Variants in TRIM2 observed in about 807,000 individuals in gnomAD.
TRIM2 encodes tripartite motif-containing protein 2.
In TRIM2, 20 loss-of-function variants were observed where a neutral mutation model predicts 75.2. That is an observed-to-expected ratio of 0.27 (90% CI 0.19 to 0.39). The LOEUF (loss-of-function observed/expected upper bound fraction) is 0.39. TRIM2 is among the 10% of genes least tolerant of loss of function. The probability of loss-of-function intolerance (pLI) is 1.00; values close to 1 mark genes in which losing one functional copy is unlikely to be tolerated. For missense variants in TRIM2, 660 were observed against 990.8 expected (o/e 0.67, Z 4.48); for synonymous variants, 373 against 388.3 (o/e 0.96, Z 0.46).
At chr4:153,285,616 C>T (rs1308315684) in intron 3 of TRIM2, among the ~76,000 whole-genome samples, 1 of 152,116 alleles carries the variant, frequency 6.6e-6, no homozygotes, top group Non-Finnish European at 1.5e-5. Flanking sequence ...AGCCACCATG[C>T]CTAGCTGGGA....
chr4:153,318,345 C>T (rs1198794546), intron 8 of TRIM2, among the ~76,000 whole-genome samples: 1 of 152,180 alleles, frequency 6.6e-6, no homozygotes, highest in Admixed American at 6.5e-5. Context: ...AGATTTGAGC[C>T]TCTGTTTTGT....
chr4:153,228,883 TC>T (rs1389569272), intron 1 of TRIM2, among the ~76,000 whole-genome samples: 1 of 152,028 alleles, frequency 6.6e-6, no homozygotes, highest in East Asian at 1.9e-4. Context: ...TTCATCCTTT[TC>T]CCCCCACAAA....
intron 1 of TRIM2, among the ~76,000 whole-genome samples, chr4:153,252,614 A>C (rs962209863): frequency 1.6e-4 from 25 of 152,054 alleles, no homozygotes; most frequent in Admixed American, 1.6e-3. Flanking sequence ...CAGGTTCAAG[A>C]TTCTCCTGCC....
At chr4:153,270,079 C>A (rs1171439531) in intron 1 of TRIM2, among the ~76,000 whole-genome samples, 2 of 152,078 alleles carry the variant, frequency 1.3e-5, no homozygotes, top group African/African-American at 2.4e-5. Flanking sequence ...CAGGCGTGTG[C>A]CACCACACCC....
At chr4:153,309,317 G>A (rs1399092281) in intron 6 of TRIM2, among the ~76,000 whole-genome samples, 2 of 152,074 alleles carry the variant, frequency 1.3e-5, no homozygotes, top group Admixed American at 6.5e-5. Flanking sequence ...TGATGATCTC[G>A]GTAATGTGTC....
At chr4:153,152,187 G>A (rs149910544), upstream of TRIM2, among the ~76,000 whole-genome samples, 1,159 of 152,134 alleles carry the variant, frequency 7.6e-3, 12 homozygotes, top group Middle Eastern at 0.014. Context: ...TTCTTAGAAG[G>A]CCTAGTGCTA....
At chr4:153,239,091 G>A (rs1193051245) in intron 1 of TRIM2, among the ~76,000 whole-genome samples, 3 of 152,164 alleles carry the variant, frequency 2.0e-5, no homozygotes, top group Non-Finnish European at 2.9e-5. Flanking sequence ...GGTGGCTCAC[G>A]CCTGTAATCC....
At chr4:153,206,980 A>C (rs1433498731) in intron 1 of TRIM2, among the ~76,000 whole-genome samples, 1 of 152,102 alleles carries the variant, frequency 6.6e-6, no homozygotes, top group African/African-American at 2.4e-5. Context: ...CCTTGGGCTC[A>C]AGCGATCCTC....
intron 1 of TRIM2, among the ~76,000 whole-genome samples, chr4:153,260,527 G>A (rs1753142194): frequency 6.6e-6 from 1 of 151,860 alleles, no homozygotes; most frequent in Non-Finnish European, 1.5e-5. Context: ...CTTCCATTTG[G>A]TAAAAACCAG....
At position 153,220,755 on chromosome 4, in the gene TRIM2, G is replaced by A. The variant is rs1739729427; in HGVS notation, c.30+16195G>A. 2.6e-5 allele frequency among the ~76,000 whole-genome samples: 4 copies of A among 151,868 alleles called. No homozygotes were observed. In the South Asian group the frequency reaches 8.4e-4, roughly 32 times the overall value. ...ACATTTCAGTAGGCATTTCTACAAG[G>A]AAGATACCCAAATGGTCAACAAGCA... On this transcript the variant is annotated intron_variant, in intron 1 of 11. Coordinates refer to ENST00000338700, the MANE Select transcript of TRIM2 (RefSeq NM_015271.5).
At chr4:153,333,668 C>T (rs1429753700) in intron 11 of TRIM2, among the ~76,000 whole-genome samples, 1 of 152,026 alleles carries the variant, frequency 6.6e-6, no homozygotes. Context: ...CCCCCGTACC[C>T]CCAAATCTCA....
chr4:153,269,781 G>A (rs1201671665), intron 1 of TRIM2, among the ~76,000 whole-genome samples: 2 of 152,126 alleles, frequency 1.3e-5, no homozygotes, highest in African/African-American at 4.8e-5. Context: ...AATTTGTTTT[G>A]TTTGCCTGGC....
intron 8 of TRIM2, 103 bp from the exon 9 acceptor site, chr4:153,322,545 C>T (rs1449654351): frequency 7.6e-7 from 1 of 1,319,650 alleles, no homozygotes; most frequent in Non-Finnish European, 1.0e-6. Context: ...CCGTTTGAAC[C>T]TTCAGGTAAA....
chr4:153,262,736 C>T lies in TRIM2; in HGVS notation c.31-7599C>T, dbSNP rs551291546. 3.0e-4 allele frequency among the ~76,000 whole-genome samples: 46 copies of T among 152,254 alleles called. 1 individual carries two copies. Among genetic ancestry groups the T allele is most frequent in the Admixed American group, 5.2e-4 (8 of 15,288 alleles). Reference sequence around the variant, plus strand: ...AGGAGAGGCTTGTTTCAGGAAAGGGCTGTTATCATTCCTGTTTTAAAGTTA... The same window carrying T: ...AGGAGAGGCTTGTTTCAGGAAAGGGTTGTTATCATTCCTGTTTTAAAGTTA... On this transcript the variant is annotated intron_variant, in intron 1 of 11. Transcript: ENST00000338700.
In TRIM2 at chr4:153,280,603, A is replaced by G. The variant is rs559915884; in HGVS notation, c.453+4473A>G. Among the ~76,000 whole-genome samples the G allele has an allele frequency of 8.5e-5, 13 of 152,216 alleles. No homozygotes were observed. In the East Asian group the frequency reaches 2.5e-3, roughly 29 times the overall value. On this transcript the variant is annotated intron_variant, in intron 3 of 11. Coordinates refer to ENST00000338700, the MANE Select transcript of TRIM2 (RefSeq NM_015271.5). The stretch of plus-strand genomic sequence containing the variant: ...TCTTATGTTGCCCAGGCTGGTTGCA[A>G]ACTGGCCTCAAGGGATCCTCCCATC...
At chr4:153,163,721 C>T (rs1352206016) in intron 1 of TRIM2, among the ~76,000 whole-genome samples, 2 of 151,406 alleles carry the variant, frequency 1.3e-5, no homozygotes, top group South Asian at 2.1e-4. Flanking sequence ...AGGCTGGTCT[C>T]GAACTCCTGA....
intron 1 of TRIM2, among the ~76,000 whole-genome samples, chr4:153,214,983 A>G (rs1738088435): frequency 6.6e-6 from 1 of 152,254 alleles, no homozygotes; most frequent in Non-Finnish European, 1.5e-5. Context: ...TCATTGCAAC[A>G]GAAGTAACAA....
intron 1 of TRIM2, among the ~76,000 whole-genome samples, chr4:153,260,725 CATCATCATCATCATCATCATG>C (rs1243171097): frequency 5.7e-5 from 7 of 123,236 alleles, no homozygotes; most frequent in Admixed American, 5.2e-4. Context: ...CACACACACA[CATCATCATCATCATCATCATG>C]ATCATCATCA....
At chr4:153,291,839 A>G (rs967428711) in intron 3 of TRIM2, among the ~76,000 whole-genome samples, 1 of 152,194 alleles carries the variant, frequency 6.6e-6, no homozygotes, top group Non-Finnish European at 1.5e-5. Flanking sequence ...TTCTTCGTGC[A>G]TACTAACCTA....
Sources: gnomAD v4.1 joint callset for allele counts (sites outside exome capture counted in the v4.1 genomes callset) on GRCh38, gnomAD v4.1.1 for gene constraint, MANE v1.5 for transcripts, NCBI Gene and HGNC (gene_info 2026-07-23, HGNC 2026-07-21) for gene names.